OCA2: variants seen among roughly 807,000 people sequenced by gnomAD.
OCA2 encodes P protein.
Under a neutral mutation model 100.2 loss-of-function variants are expected in OCA2, and 77 were observed. That is an observed-to-expected ratio of 0.77 (90% CI 0.64 to 0.93). The LOEUF (loss-of-function observed/expected upper bound fraction) is 0.93, where lower values mean the gene tolerates loss of function less well. OCA2 is among the 40% of genes least tolerant of loss of function. The pLI is 0.00. For synonymous variants in OCA2, 432 were observed against 439.2 expected, an observed-to-expected ratio of 0.98 and a Z score of 0.21; for missense variants, 1,062 against 1,089.1, an observed-to-expected ratio of 0.98 and a Z score of 0.35.
chr15:27,861,586 G>A (rs530970375), intron 21 of OCA2, among the ~76,000 whole-genome samples: 35 of 152,220 alleles, frequency 2.3e-4, no homozygotes, highest in African/African-American at 7.9e-4. Flanking sequence ...AGGGCCAGGC[G>A]GGGAAAGATT....
In OCA2 at chr15:27,898,982, C is replaced by T. The variant is rs148700092; in HGVS notation, c.2080-27060G>A. 2.4e-3 allele frequency among the ~76,000 whole-genome samples: 361 copies of T among 152,210 alleles called. 2 individuals carry two copies. The highest frequency in any genetic ancestry group is 8.4e-3 in the African/African-American group (348 of 41,548). On this transcript the variant is annotated intron_variant, in intron 19 of 23. Coordinates refer to ENST00000354638, the MANE Select transcript of OCA2 (RefSeq NM_000275.3). ...TGAAGCCAAAATCAGACAAAGCTAG[C>T]ATAAAGGAAACTATAGATCAATATA...
intron 2 of OCA2, among the ~76,000 whole-genome samples, chr15:28,055,816 G>A (rs2043675553): frequency 2.0e-5 from 3 of 152,170 alleles, no homozygotes; most frequent in Admixed American, 1.3e-4. Context: ...CCATCCTCAC[G>A]GTGCAGCAGG....
intron 1 of OCA2, among the ~76,000 whole-genome samples, chr15:28,092,047 G>A (rs2044878734): frequency 6.6e-6 from 1 of 151,554 alleles, no homozygotes; most frequent in African/African-American, 2.4e-5. Context: ...CAATAAAAAT[G>A]AATGGTGTCT....
intron 21 of OCA2, among the ~76,000 whole-genome samples, chr15:27,857,198 A>C (rs553850309): frequency 6.6e-6 from 1 of 152,374 alleles, no homozygotes; most frequent in East Asian, 1.9e-4. Flanking sequence ...TATAAATTAT[A>C]AAGAGGAATC....
At chr15:27,776,498 C>T (rs1412977104) in intron 23 of OCA2, 1 of 152,258 alleles carries the variant, frequency 6.6e-6, no homozygotes, top group African/African-American at 2.4e-5. Flanking sequence ...CTGCACAGCC[C>T]ATGTCTCTTC....
intron 23 of OCA2, among the ~76,000 whole-genome samples, chr15:27,756,263 A>C (rs1460789341): frequency 6.6e-6 from 1 of 152,252 alleles, no homozygotes; most frequent in Non-Finnish European, 1.5e-5. Flanking sequence ...GTAAGAGCCT[A>C]GCATGTGGCA....
intron 9 of OCA2, among the ~76,000 whole-genome samples, chr15:27,999,309 C>T (rs552916091): frequency 6.6e-6 from 1 of 152,246 alleles, no homozygotes; most frequent in East Asian, 1.9e-4. Context: ...ACAGGTTCAA[C>T]ATACGCAAAT....
rs574253096 is a variant in OCA2, at chr15:27,810,914, C to T, written c.2432+34045G>A. Reference sequence around the variant, plus strand: ...GTCATGAAAAAGGAATGCTTTTACCCTGTGGTGGGAATGTAAATTAGTACA... The same window carrying T: ...GTCATGAAAAAGGAATGCTTTTACCTTGTGGTGGGAATGTAAATTAGTACA... On this transcript the variant is annotated intron_variant, in intron 23 of 23. Transcript: ENST00000354638. Among the ~76,000 whole-genome samples, 30 of 152,242 alleles carry T rather than the reference C, an allele frequency of 2.0e-4. No homozygotes were observed. The South Asian group carries it at 3.5e-3, about 18-fold the overall frequency.
chr15:28,070,299 C>A lies in OCA2; in HGVS notation c.227+11349G>T, dbSNP rs77668564. On this transcript the variant is annotated intron_variant, in intron 2 of 23. Coordinates refer to ENST00000354638, the MANE Select transcript of OCA2 (RefSeq NM_000275.3). ...GTCTCCGCCCGGCAGCCACCCCGTC[C>A]GGGAGGGAGGTGGGGGGGGGTCAGC... Among the ~76,000 whole-genome samples, 4 of 140,644 alleles carry A rather than the reference C, an allele frequency of 2.8e-5. No homozygotes were observed. The South Asian group carries it at 7.1e-4, about 25-fold the overall frequency. 92.3% of individuals were successfully genotyped at this position (140,644 alleles called of 152,430 possible).
intron 4 of OCA2, among the ~76,000 whole-genome samples, chr15:28,027,220 C>A (rs1053985716): frequency 1.3e-5 from 2 of 152,238 alleles, no homozygotes; most frequent in Non-Finnish European, 2.9e-5. Flanking sequence ...CCTAGGCCTA[C>A]ACACGCATGC....
At chr15:27,872,669 G>T (rs1338484452) in intron 19 of OCA2, among the ~76,000 whole-genome samples, 1 of 151,788 alleles carries the variant, frequency 6.6e-6, no homozygotes, top group Non-Finnish European at 1.5e-5. Context: ...GCTTGTCTGC[G>T]CTTTTTTCTT....
chr15:27,808,863 C>A (rs1338030906), intron 23 of OCA2, among the ~76,000 whole-genome samples: 1 of 152,240 alleles, frequency 6.6e-6, no homozygotes, highest in African/African-American at 2.4e-5. Flanking sequence ...CATCCCAGGA[C>A]AACGGCTGTC....
intron 19 of OCA2, among the ~76,000 whole-genome samples, chr15:27,918,089 A>ATTTTTTT (rs34943192): frequency 1.9e-5 from 2 of 103,176 alleles, no homozygotes; most frequent in African/African-American, 7.0e-5. Flanking sequence ...CTCCCTCTTG[A>ATTTTTTT]TTTTTTTTTT....
In OCA2 at chr15:28,018,481, C is replaced by G. The variant is rs771974833; in HGVS notation, c.723G>C (p.Pro241=). The G allele has an allele frequency of 6.2e-7, 1 of 1,613,646 alleles. No homozygotes were observed. Among genetic ancestry groups the G allele is most frequent in the Non-Finnish European group, 8.5e-7 (1 of 1,179,940 alleles). Reference sequence around the variant, plus strand: ...TGTGCTCTTCCCTCCCAGGACGACTCGGCCCACTGGCCACTAGGGCCCCTG... The same window carrying G: ...TGTGCTCTTCCCTCCCAGGACGACTGGGCCCACTGGCCACTAGGGCCCCTG... ...DLAGALVASG[P]SRPGREEHIV... Residue 241 remains proline (P), a synonymous_variant, in exon 7 of 24, where the codon CCG becomes CCC. Transcript: ENST00000354638.
At chr15:27,993,588 G>A (rs367945228) in intron 9 of OCA2, among the ~76,000 whole-genome samples, 33 of 152,270 alleles carry the variant, frequency 2.2e-4, no homozygotes, top group African/African-American at 7.9e-4. Flanking sequence ...GGCCCTCTCA[G>A]GACAGCTGGG....
In OCA2 at chr15:28,070,492, G is replaced by C. The variant is rs1338075471; in HGVS notation, c.227+11156C>G. ...GCCGCCCAGTCCGGGAGGGAGGTGG[G>C]GGGGTCAGCCCCCCGCCTGGCCAGC... On this transcript the variant is annotated intron_variant, in intron 2 of 23. Coordinates refer to ENST00000354638, the MANE Select transcript of OCA2 (RefSeq NM_000275.3). Among the ~76,000 whole-genome samples the C allele has an allele frequency of 3.0e-5, 4 of 131,948 alleles. No homozygotes were observed. In the East Asian group the frequency reaches 9.9e-4, roughly 33 times the overall value. The allele number at this position is 131,948 out of a possible 152,430, so 86.6% of individuals were successfully genotyped here.
At chr15:27,969,487 G>A (rs1304963667) in intron 14 of OCA2, among the ~76,000 whole-genome samples, 1 of 152,200 alleles carries the variant, frequency 6.6e-6, no homozygotes, top group Non-Finnish European at 1.5e-5. Flanking sequence ...TAATTTCCTA[G>A]ACTCTCGTCT....
intron 14 of OCA2, among the ~76,000 whole-genome samples, chr15:27,976,133 A>C (rs953700239): frequency 6.6e-6 from 1 of 152,122 alleles, no homozygotes; most frequent in Admixed American, 6.6e-5. Context: ...AACCTTGTCA[A>C]ATTTATTTAT....
At chr15:27,832,588 G>C (rs1000731813) in intron 23 of OCA2, among the ~76,000 whole-genome samples, 1 of 152,128 alleles carries the variant, frequency 6.6e-6, no homozygotes, top group Admixed American at 6.5e-5. Flanking sequence ...CCTCAGTGCC[G>C]TTAGCACAGT....
Sources: gnomAD v4.1 joint callset for allele counts (sites outside exome capture counted in the v4.1 genomes callset) on GRCh38, gnomAD v4.1.1 for gene constraint, MANE v1.5 for transcripts, NCBI Gene and HGNC (gene_info 2026-07-23, HGNC 2026-07-21) for gene names.